The following SEPTIN4 variants were observed in gnomAD, a reference collection of about 807,000 sequenced individuals.
SEPTIN4 encodes septin 4, also known as septin-4.
A neutral mutation model predicts 107.1 loss-of-function variants in SEPTIN4; 52 were observed. The observed-to-expected ratio is 0.49, with a 90% CI of 0.39 to 0.61. SEPTIN4 has a LOEUF of 0.61. SEPTIN4 is among the 20% of genes least tolerant of loss of function. The pLI is 0.00. For missense variants in SEPTIN4, 1,048 were observed against 1,243.5 expected, an observed-to-expected ratio of 0.84 and a Z score of 2.36; for synonymous variants, 417 against 467.0, an observed-to-expected ratio of 0.89 and a Z score of 1.38.
At chr17:58,527,867 T>C in intron 3 of SEPTIN4, 3 of 985,800 alleles carry the variant, frequency 3.0e-6, no homozygotes, top group Non-Finnish European at 3.6e-6. Flanking sequence ...GGGCCTGGCC[T>C]GAACCATGAC....
At chr17:58,535,405 A>T (rs1383604152) in intron 3 of SEPTIN4, among the ~76,000 whole-genome samples, 2 of 152,228 alleles carry the variant, frequency 1.3e-5, no homozygotes, top group Non-Finnish European at 2.9e-5. Flanking sequence ...AGGGTTGGAA[A>T]GGACTTACAA....
intron 7 of SEPTIN4, among the ~76,000 whole-genome samples, chr17:58,523,294 G>A (rs752206238): frequency 2.6e-5 from 4 of 151,454 alleles, no homozygotes; most frequent in Non-Finnish European, 5.9e-5. Flanking sequence ...AAGATAACCT[G>A]AGCCCGGGGA....
intron 3 of SEPTIN4, among the ~76,000 whole-genome samples, chr17:58,535,395 A>C (rs1208604160): frequency 6.6e-6 from 1 of 152,206 alleles, no homozygotes; most frequent in Non-Finnish European, 1.5e-5. Context: ...ATAGGAGCTC[A>C]GGGTTGGAAA....
chr17:58,521,028 G>T lies in SEPTIN4; in HGVS notation c.2801C>A (p.Thr934Asn), dbSNP rs760630431. 6.2e-7 allele frequency: 1 copy of T among 1,614,132 alleles called. No individual in the cohort carries two copies. The highest frequency in any genetic ancestry group is 1.1e-5 in the South Asian group (1 of 91,080). Residue 934 changes from threonine (T) to asparagine (N), a missense_variant, in exon 12 of 14, where the codon ACC (threonine) becomes AAC (asparagine). This residue lies in a region of SEPTIN4 where 261 missense variants were observed against 371.7 expected (regional missense o/e 0.70). Coordinates refer to ENST00000672673, the MANE Select transcript of SEPTIN4 (RefSeq NM_001368771.2). This position sits in a 1 kb window ranked among gnomAD's most constrained non-coding sequence, Gnocchi z 6.4. ...NYRAQCIQSMTRLVVKERNRN... is the reference protein window; with the variant it reads ...NYRAQCIQSMNRLVVKERNRN... ...ATTCCGTTCCTTCACCACCAGGCGGGTCATGCTCTGGATGCACTGTGCCCG... is the reference window on the plus strand; with the variant it reads ...ATTCCGTTCCTTCACCACCAGGCGGTTCATGCTCTGGATGCACTGTGCCCG...
rs779593626 is a variant in SEPTIN4, at chr17:58,520,966, CCT to C, written c.2831+30_2831+31del. 4 of 1,612,874 alleles carry C rather than the reference CCT, an allele frequency of 2.5e-6. No individual in the cohort carries two copies. The East Asian group carries it at 6.7e-5, about 27-fold the overall frequency. On this transcript the variant is annotated intron_variant, in intron 12 of 13. Coordinates refer to ENST00000672673, the MANE Select transcript of SEPTIN4 (RefSeq NM_001368771.2). ...CCCAAGGCTAGGCTTGGGATCTCCC[CCT>C]GCCAGCTTTGTCCTGGCTTCTGGTC...
intron 5 of SEPTIN4, 54 bp downstream of exon 5, chr17:58,526,166 C>T (rs2042843341): frequency 1.3e-6 from 2 of 1,522,796 alleles, no homozygotes; most frequent in Admixed American, 4.2e-5. Flanking sequence ...CGGACACACA[C>T]ACCATCCCCA....
At chr17:58,540,879 G>A (rs1293373876) in intron 2 of SEPTIN4, 1 of 407,296 alleles carries the variant, frequency 2.5e-6, no homozygotes, top group Non-Finnish European at 4.3e-6. Flanking sequence ...ACCGTGCTAA[G>A]TGTTTTATTG....
chr17:58,543,761 C>T lies in SEPTIN4; in HGVS notation c.426G>A (p.Glu142=), dbSNP rs1375236391. 3 of 1,614,048 alleles carry T rather than the reference C, an allele frequency of 1.9e-6. No homozygotes were observed. Among genetic ancestry groups the T allele is most frequent in the African/African-American group, 1.3e-5 (1 of 74,904 alleles). Residue 142 remains glutamate (E), a synonymous_variant, in exon 1 of 14, where the codon GAG becomes GAA. Coordinates refer to ENST00000672673, the MANE Select transcript of SEPTIN4 (RefSeq NM_001368771.2). ...GGATTGATGAAGCATGATGGCCGACCTCGCGCCCTGACTTGCTCTCACTGC... is the reference window on the plus strand; with the variant it reads ...GGATTGATGAAGCATGATGGCCGACTTCGCGCCCTGACTTGCTCTCACTGC... ...RRGSESKSGR[E]VGHHASSIPD... is the part of the protein sequence containing the mutation.
chr17:58,534,769 G>A (rs149362648), intron 3 of SEPTIN4, among the ~76,000 whole-genome samples: 4 of 152,288 alleles, frequency 2.6e-5, no homozygotes, highest in African/African-American at 9.6e-5. Context: ...CCGTTGCTTA[G>A]GTCAGGCCAA....
At position 58,520,395 on chromosome 17, in the gene SEPTIN4, G is replaced by A. The variant is rs1360413380; in HGVS notation, c.*31C>T. 1.2e-6 allele frequency: 2 copies of A among 1,607,852 alleles called. No individual in the cohort carries two copies. Among genetic ancestry groups the A allele is most frequent in the Admixed American group, 3.3e-5 (2 of 59,874 alleles). Reference sequence around the variant, plus strand: ...GCCGGCATGGACAGGAAGAAGAGGAGGAGATTTAAATATCCAGGGCTGAAA... The same window carrying A: ...GCCGGCATGGACAGGAAGAAGAGGAAGAGATTTAAATATCCAGGGCTGAAA... On this transcript the variant is annotated 3_prime_UTR_variant, in exon 14 of 14. Transcript: ENST00000672673.
In SEPTIN4 at chr17:58,521,716, C is replaced by A; in HGVS notation, c.2469+20G>T. 6.2e-7 allele frequency: 1 copy of A among 1,614,234 alleles called. No individual in the cohort carries two copies. Among genetic ancestry groups the A allele is most frequent in the South Asian group, 1.1e-5 (1 of 91,082 alleles). ...TTCTAGAAGCCCACCTGATCCCCTC[C>A]CACCACCAGCTTCCCTCACTTTGCG... On this transcript the variant is annotated intron_variant, in intron 9 of 13. Transcript: ENST00000672673. The surrounding 1 kb of genome is among the most constrained non-coding windows in gnomAD (Gnocchi z 6.4).
intron 7 of SEPTIN4, among the ~76,000 whole-genome samples, chr17:58,522,368 A>C (rs1418031648): frequency 6.6e-6 from 1 of 152,152 alleles, no homozygotes; most frequent in African/African-American, 2.4e-5. Flanking sequence ...CAAACAAAGC[A>C]GTAAGAATAG....
At chr17:58,526,362 C>T (rs1598280855) in intron 4 of SEPTIN4, 49 bp from the exon 5 acceptor site, 1 of 1,461,770 alleles carries the variant, frequency 6.8e-7, no homozygotes, top group Non-Finnish European at 9.1e-7. Context: ...CCAAAGGGGC[C>T]CCGGCACCCA....
chr17:58,526,210 CCT>C lies in SEPTIN4; in HGVS notation c.2005+8_2005+9del, dbSNP rs776626544. On this transcript the variant is annotated splice_region_variant and intron_variant, in intron 5 of 13. Transcript: ENST00000672673. Reference sequence around the variant, plus strand: ...ACACCCTGCCCAACCCAGCCCTGCCCCTTTTTTACCTGCCACCATGAGGGTAA... The same window carrying C: ...ACACCCTGCCCAACCCAGCCCTGCCCTTTTTACCTGCCACCATGAGGGTAA... The C allele has an allele frequency of 2.3e-4, 367 of 1,583,362 alleles. 4 individuals are homozygous for C. The Middle Eastern group carries it at 7.3e-3, about 32-fold the overall frequency.
chr17:58,544,301 C>T lies in SEPTIN4; in HGVS notation c.-115G>A. ...TTTAAAGCTGCTGTTTCTTGGGCTC[C>T]CACAAAAGTGGCTGTTGTTCTAAGA... On this transcript the variant is annotated 5_prime_UTR_variant, in exon 1 of 14. Transcript: ENST00000672673. 2.2e-6 allele frequency: 3 copies of T among 1,387,118 alleles called. No homozygotes were observed. Among genetic ancestry groups the T allele is most frequent in the Non-Finnish European group, 2.9e-6 (3 of 1,030,834 alleles). 85.9% of individuals were successfully genotyped at this position (1,387,118 alleles called of 1,614,324 possible).
At chr17:58,520,939 C>T in intron 12 of SEPTIN4, 59 bp downstream of exon 12, 1 of 1,612,008 alleles carries the variant, frequency 6.2e-7, no homozygotes, top group East Asian at 2.2e-5. Flanking sequence ...GGCTTGGTCT[C>T]ACCCAAGGCT....
intron 2 of SEPTIN4, 166 bp downstream of exon 2, chr17:58,541,756 G>T: frequency 1.3e-6 from 2 of 1,577,644 alleles, no homozygotes; most frequent in East Asian, 2.3e-5. Context: ...TGACTCTAAT[G>T]GTGAAATTTT....
chr17:58,539,625 A>C (rs2043823283), intron 3 of SEPTIN4, among the ~76,000 whole-genome samples: 1 of 152,192 alleles, frequency 6.6e-6, no homozygotes, highest in East Asian at 1.9e-4. Flanking sequence ...CTCCCCAACC[A>C]CATGGCAAGT....
chr17:58,522,661 A>G (rs948311081), intron 7 of SEPTIN4, among the ~76,000 whole-genome samples: 11 of 151,732 alleles, frequency 7.2e-5, no homozygotes, highest in South Asian at 2.1e-4. Context: ...TCACAAAAAA[A>G]AAAAAAAAAA....
Sources: allele counts gnomAD v4.1 joint callset (sites outside exome capture counted in the v4.1 genomes callset), GRCh38; gene constraint gnomAD v4.1.1; regional missense constraint gnomAD v4.1.1; non-coding constraint Gnocchi (gnomAD v3.1); transcripts MANE v1.5; gene names NCBI Gene and HGNC (gene_info 2026-07-23, HGNC 2026-07-21).